ROR2: variants seen among roughly 807,000 people sequenced by gnomAD.
The protein encoded by ROR2 is tyrosine-protein kinase transmembrane receptor ROR2.
Under a neutral mutation model 74.9 loss-of-function variants are expected in ROR2, and 33 were observed. That is an observed-to-expected ratio of 0.44 (90% CI 0.33 to 0.59). The LOEUF (loss-of-function observed/expected upper bound fraction) is 0.59. Ranked by LOEUF, ROR2 falls within the 20% of genes least tolerant of loss-of-function variation. The probability of loss-of-function intolerance (pLI) is 0.02; values close to 1 mark genes in which losing one functional copy is unlikely to be tolerated. For missense variants in ROR2, 1,216 were observed against 1,313.8 expected (o/e 0.93, Z 1.15); for synonymous variants, 586 against 558.7 (o/e 1.05, Z -0.69).
At chr9:91,744,874 A>G (rs1316568451) in intron 4 of ROR2, among the ~76,000 whole-genome samples, 2 of 152,168 alleles carry the variant, frequency 1.3e-5, no homozygotes, top group Non-Finnish European at 2.9e-5. Context: ...CTCCCAGGTA[A>G]GCCAAACACT....
At chr9:91,860,169 G>A (rs11791415) in intron 1 of ROR2, among the ~76,000 whole-genome samples, 6,160 of 152,246 alleles carry the variant, frequency 0.04, 178 homozygotes, top group East Asian at 0.098. Flanking sequence ...TTAGACCTTC[G>A]CCATCTGGGA....
At position 91,868,289 on chromosome 9, in the gene ROR2, T is replaced by C. The variant is rs1165151393; in HGVS notation, c.97+81578A>G. ...GACAGAGAAGTGTCAATAAAAATTATACAAGGTGAACAAAAGAGAAAAAAA... is the reference window on the plus strand; with the variant it reads ...GACAGAGAAGTGTCAATAAAAATTACACAAGGTGAACAAAAGAGAAAAAAA... On this transcript the variant is annotated intron_variant, in intron 1 of 8. Transcript: ENST00000375708. Among the ~76,000 whole-genome samples the C allele has an allele frequency of 3.9e-5, 6 of 152,174 alleles. No homozygotes were observed. In the South Asian group the frequency reaches 1.2e-3, roughly 31 times the overall value.
intron 2 of ROR2, among the ~76,000 whole-genome samples, chr9:91,766,246 C>T (rs1244599190): frequency 1.3e-5 from 2 of 152,164 alleles, no homozygotes; most frequent in African/African-American, 4.8e-5. Flanking sequence ...AGAATTCGGC[C>T]CTTGGTCTCA....
intron 2 of ROR2, among the ~76,000 whole-genome samples, chr9:91,768,266 T>A (rs1587700985): frequency 6.6e-6 from 1 of 152,312 alleles, no homozygotes. Context: ...CTTGAAGTCC[T>A]TTGCTATGAC....
intron 4 of ROR2, among the ~76,000 whole-genome samples, chr9:91,751,003 CAT>C (rs1284593690): frequency 6.6e-6 from 1 of 152,136 alleles, no homozygotes; most frequent in Non-Finnish European, 1.5e-5. Context: ...AATAATAACT[CAT>C]GTGTTGCAGG....
intron 1 of ROR2, among the ~76,000 whole-genome samples, chr9:91,835,187 C>T (rs1372528657): frequency 1.3e-5 from 2 of 152,008 alleles, no homozygotes; most frequent in African/African-American, 4.8e-5. Flanking sequence ...CCCCTCACCT[C>T]CAAGGGTCCT....
intron 1 of ROR2, among the ~76,000 whole-genome samples, chr9:91,893,130 C>T (rs1217225023): frequency 6.6e-6 from 1 of 152,174 alleles, no homozygotes; most frequent in East Asian, 1.9e-4. Flanking sequence ...GCATGCCTGG[C>T]ACTGGAAGAT....
chr9:91,887,368 G>A (rs1488027714), intron 1 of ROR2, among the ~76,000 whole-genome samples: 2 of 152,120 alleles, frequency 1.3e-5, no homozygotes, highest in African/African-American at 4.8e-5. Flanking sequence ...CTTCCCTACA[G>A]TATGTATCCC....
At chr9:91,726,086 C>A (rs1837019819) in intron 8 of ROR2, among the ~76,000 whole-genome samples, 1 of 152,178 alleles carries the variant, frequency 6.6e-6, no homozygotes, top group Admixed American at 6.5e-5. Context: ...TGAGGGGTGG[C>A]CTTTTAGTGG....
intron 1 of ROR2, among the ~76,000 whole-genome samples, chr9:91,841,962 G>A (rs1469920173): frequency 6.6e-6 from 1 of 152,194 alleles, no homozygotes; most frequent in East Asian, 1.9e-4. Context: ...CCAAGGCCAA[G>A]CAATGAAGTC....
chr9:91,754,727 A>G (rs1825692012), intron 4 of ROR2, among the ~76,000 whole-genome samples: 1 of 152,326 alleles, frequency 6.6e-6, no homozygotes, highest in East Asian at 1.9e-4. Flanking sequence ...TTTTGAAATG[A>G]CTTATATGCC....
intron 1 of ROR2, among the ~76,000 whole-genome samples, chr9:91,817,838 G>A (rs1293656805): frequency 1.3e-5 from 2 of 152,088 alleles, no homozygotes; most frequent in African/African-American, 4.8e-5. Context: ...TTAAGGGGAG[G>A]GAGGAGGAGG....
At position 91,749,192 on chromosome 9, in the gene ROR2, GAA is replaced by G. The variant is rs1176370527; in HGVS notation, c.494+6877_494+6878del. Among the ~76,000 whole-genome samples the G allele has an allele frequency of 5.9e-5, 9 of 152,258 alleles. No homozygotes were observed. The East Asian group carries it at 1.7e-3, about 29-fold the overall frequency. Reference sequence around the variant, plus strand: ...AGGAAAAGAACAAGGCAAATAACAGGAAAGATAATTTAGAAAAATGGTATGGT... The same window carrying G: ...AGGAAAAGAACAAGGCAAATAACAGGAGATAATTTAGAAAAATGGTATGGT... On this transcript the variant is annotated intron_variant, in intron 4 of 8. Transcript: ENST00000375708.
At chr9:91,845,877 C>CAAAAAAAAAAAAAAAAAAAAAAAAA (rs5899143) in intron 1 of ROR2, among the ~76,000 whole-genome samples, 2 of 33,874 alleles carry the variant, frequency 5.9e-5, no homozygotes, top group African/African-American at 1.5e-4. Context: ...GAATCCATCT[C>CAAAAAAAAAAAAAAAAAAAAAAAAA]AAAAAAAAAA....
chr9:91,855,533 G>T (rs938487531), intron 1 of ROR2, among the ~76,000 whole-genome samples: 1 of 152,160 alleles, frequency 6.6e-6, no homozygotes, highest in Non-Finnish European at 1.5e-5. Flanking sequence ...ATGGAACAGT[G>T]ACCTCCACCC....
intron 1 of ROR2, among the ~76,000 whole-genome samples, chr9:91,860,862 T>C (rs1284202130): frequency 6.6e-6 from 1 of 152,202 alleles, no homozygotes; most frequent in Non-Finnish European, 1.5e-5. Context: ...TGCTCTACCA[T>C]TCTCTAGGTA....
intron 1 of ROR2, among the ~76,000 whole-genome samples, chr9:91,916,807 A>T (rs1394155232): frequency 6.6e-6 from 1 of 151,920 alleles, no homozygotes; most frequent in Admixed American, 6.6e-5. Flanking sequence ...CTTAACTACC[A>T]TTTTCTCCCA....
chr9:91,882,603 G>A (rs1252484317), intron 1 of ROR2, among the ~76,000 whole-genome samples: 2 of 152,154 alleles, frequency 1.3e-5, no homozygotes, highest in Non-Finnish European at 2.9e-5. Flanking sequence ...GTTATGAACT[G>A]AATTGTGTCT....
At chr9:91,816,920 A>G (rs1321720096) in intron 1 of ROR2, among the ~76,000 whole-genome samples, 2 of 152,078 alleles carry the variant, frequency 1.3e-5, no homozygotes, top group African/African-American at 2.4e-5. Flanking sequence ...GCCCTACCTT[A>G]AGTTGACATG....
Sources: allele counts gnomAD v4.1 joint callset (sites outside exome capture counted in the v4.1 genomes callset), GRCh38; gene constraint gnomAD v4.1.1; transcripts MANE v1.5; gene names NCBI Gene and HGNC (gene_info 2026-07-23, HGNC 2026-07-21).